ANKRD30B: variants seen among roughly 807,000 people sequenced by gnomAD.
ANKRD30B encodes the protein ankyrin repeat domain 30B, also known as ankyrin repeat domain-containing protein 30B.
A neutral mutation model predicts 202.2 loss-of-function variants in ANKRD30B; 144 were observed. The ratio of observed to expected loss-of-function variants is 0.71; its 90% CI spans 0.62 to 0.82. The LOEUF (loss-of-function observed/expected upper bound fraction) is 0.82. Ranked by LOEUF, ANKRD30B falls within the 40% of genes least tolerant of loss-of-function variation. The pLI, the probability that ANKRD30B is intolerant of heterozygous loss-of-function variation, is 0.00. For synonymous variants in ANKRD30B, 508 were observed against 561.3 expected, an observed-to-expected ratio of 0.91 and a Z score of 1.34; for missense variants, 1,487 against 1,669.1, an observed-to-expected ratio of 0.89 and a Z score of 1.90.
At chr18:14,790,700 T>A (rs1339089679) in intron 15 of ANKRD30B, among the ~76,000 whole-genome samples, 1 of 152,128 alleles carries the variant, frequency 6.6e-6, no homozygotes, top group Non-Finnish European at 1.5e-5. Flanking sequence ...ATTTATTGAT[T>A]TGCGTATATT....
Position 14,748,418 on chromosome 18 carries a change from C to T in ANKRD30B, c.-2C>T, listed in dbSNP as rs1468932295. On this transcript the variant is annotated 5_prime_UTR_variant, in exon 1 of 44. Coordinates refer to ENST00000690538, the MANE Select transcript of ANKRD30B (RefSeq NM_001367607.2). Reference sequence around the variant, plus strand: ...GGCTCTCTCTAGCAGGGGGCTGCAGCCATGAAGAGGCTCTTAGCTGCCGCT... The same window carrying T: ...GGCTCTCTCTAGCAGGGGGCTGCAGTCATGAAGAGGCTCTTAGCTGCCGCT... The T allele has an allele frequency of 2.0e-6, 3 of 1,492,346 alleles. No homozygotes were observed. The Admixed American group carries it at 7.1e-5, about 35-fold the overall frequency. The allele number at this position is 1,492,346 out of a possible 1,614,324, so 92.4% of individuals were successfully genotyped here.
chr18:14,794,171 C>T (rs954397131), intron 16 of ANKRD30B, among the ~76,000 whole-genome samples: 2 of 152,004 alleles, frequency 1.3e-5, no homozygotes, highest in African/African-American at 4.8e-5. Flanking sequence ...CCAGTGTACC[C>T]CTTTATAAAA....
the ANKRD30B span, among the ~76,000 whole-genome samples, chr18:14,904,725 T>G: frequency 6.6e-6 from 1 of 152,218 alleles, no homozygotes; most frequent in Non-Finnish European, 1.5e-5. Context: ...GGGAACAGTT[T>G]TAGAAGGTCT....
the ANKRD30B span, among the ~76,000 whole-genome samples, chr18:14,881,852 G>A: frequency 1.3e-5 from 2 of 151,934 alleles, no homozygotes; most frequent in Non-Finnish European, 2.9e-5. Context: ...TTTTCCAGCA[G>A]TTTATCCAAC....
the ANKRD30B span, among the ~76,000 whole-genome samples, chr18:14,868,738 C>T: frequency 6.6e-6 from 1 of 152,278 alleles, no homozygotes; most frequent in Admixed American, 6.5e-5. Flanking sequence ...CTTCTTCAGC[C>T]CACCTGCCCA....
At chr18:14,844,333 A>G (rs151093473) in intron 39 of ANKRD30B, among the ~76,000 whole-genome samples, 12 of 152,348 alleles carry the variant, frequency 7.9e-5, no homozygotes, top group African/African-American at 2.9e-4. Context: ...ACAATCTTCT[A>G]CTTTAATAAA....
At chr18:14,881,423 G>C in the ANKRD30B span, among the ~76,000 whole-genome samples, 2 of 152,048 alleles carry the variant, frequency 1.3e-5, no homozygotes, top group Non-Finnish European at 2.9e-5. Flanking sequence ...TGTATCATTG[G>C]TATGAAACAC....
At chr18:14,773,370 A>C (rs1032314635) in intron 9 of ANKRD30B, among the ~76,000 whole-genome samples, 2 of 152,100 alleles carry the variant, frequency 1.3e-5, no homozygotes, top group African/African-American at 4.8e-5. Context: ...AGATTTTAAG[A>C]GGTTTTCAAT....
At chr18:14,879,332 G>A in the ANKRD30B span, among the ~76,000 whole-genome samples, 6 of 152,088 alleles carry the variant, frequency 3.9e-5, no homozygotes, top group East Asian at 5.8e-4. Context: ...CCACAGCCTC[G>A]GAAGACAAAT....
intron 7 of ANKRD30B, among the ~76,000 whole-genome samples, chr18:14,766,225 C>T (rs1810404488): frequency 6.6e-6 from 1 of 151,712 alleles, no homozygotes; most frequent in East Asian, 1.9e-4. Context: ...GTAATCCTAG[C>T]ACTTTGGGAG....
At chr18:14,939,854 C>T in the ANKRD30B span, among the ~76,000 whole-genome samples, 1 of 152,316 alleles carries the variant, frequency 6.6e-6, no homozygotes, top group South Asian at 2.1e-4. Flanking sequence ...ACTGCATACC[C>T]GCGTCCAGCG....
the ANKRD30B span, among the ~76,000 whole-genome samples, chr18:14,882,631 A>C: frequency 6.6e-6 from 1 of 152,060 alleles, no homozygotes; most frequent in Non-Finnish European, 1.5e-5. Context: ...ATTTGTTCCA[A>C]AGTATAGTTT....
intron 28 of ANKRD30B, among the ~76,000 whole-genome samples, chr18:14,810,767 G>A (rs1162014149): frequency 6.6e-6 from 1 of 151,148 alleles, no homozygotes; most frequent in South Asian, 2.1e-4. Context: ...ATTGCCTAGA[G>A]GTACAAAACA....
In ANKRD30B at chr18:14,850,338, A is replaced by G. The variant is rs1192674604; in HGVS notation, c.3520A>G (p.Ile1174Val). 1 of 1,584,482 alleles carries G rather than the reference A, an allele frequency of 6.3e-7. No individual in the cohort carries two copies. Among genetic ancestry groups the G allele is most frequent in the Admixed American group, 1.9e-5 (1 of 52,962 alleles). Residue 1174 changes from isoleucine (I) to valine (V), a missense_variant, in exon 41 of 44, where the codon ATA becomes GTA. This residue lies in a region of ANKRD30B where 177 missense variants were observed against 216.4 expected (regional missense o/e 0.82). Coordinates refer to ENST00000690538, the MANE Select transcript of ANKRD30B (RefSeq NM_001367607.2). ...ACAACAACTTGAACAGACTCTCAGA[A>G]TACAAGATATAGAATTGAAAAGTGT... ...VKQQLEQTLR[I>V]QDIELKSVTS... is the part of the protein sequence containing the mutation.
chr18:14,875,107 T>A, the ANKRD30B span, among the ~76,000 whole-genome samples: 1 of 152,076 alleles, frequency 6.6e-6, no homozygotes, highest in East Asian at 1.9e-4. Context: ...GCATGAGGAA[T>A]CAATCGCAGA....
chr18:14,907,478 T>C, the ANKRD30B span, among the ~76,000 whole-genome samples: 1 of 152,182 alleles, frequency 6.6e-6, no homozygotes, highest in South Asian at 2.1e-4. Flanking sequence ...CACCCGGGCC[T>C]GGAGACACTG....
At chr18:14,816,898 T>C (rs967492280) in intron 30 of ANKRD30B, 2 of 152,082 alleles carry the variant, frequency 1.3e-5, no homozygotes, top group African/African-American at 4.8e-5. Context: ...CACTCATAGG[T>C]GTGAATTGAA....
At chr18:14,767,882 T>A (rs1450999879) in intron 7 of ANKRD30B, among the ~76,000 whole-genome samples, 1 of 152,248 alleles carries the variant, frequency 6.6e-6, no homozygotes. Flanking sequence ...CATGAATAAC[T>A]GAAATCACAG....
chr18:14,904,973 A>G, the ANKRD30B span, among the ~76,000 whole-genome samples: 1 of 152,180 alleles, frequency 6.6e-6, no homozygotes, highest in Non-Finnish European at 1.5e-5. Flanking sequence ...GGTCATGCAG[A>G]CCTTGCTGAT....
Sources: allele counts gnomAD v4.1 joint callset (sites outside exome capture counted in the v4.1 genomes callset), GRCh38; gene constraint gnomAD v4.1.1; regional missense constraint gnomAD v4.1.1; transcripts MANE v1.5; gene names NCBI Gene and HGNC (gene_info 2026-07-23, HGNC 2026-07-21).